ASCC1: variants seen among roughly 807,000 people sequenced by gnomAD.
The protein encoded by ASCC1 is ASC-1 complex subunit P50.
ASCC1 carries 35 observed loss-of-function variants against 46.6 expected under a neutral mutation model. The observed-to-expected ratio is 0.75, with a 90% confidence interval of 0.57 to 0.99. The LOEUF (loss-of-function observed/expected upper bound fraction) is 0.99. ASCC1 is among the 50% of genes least tolerant of loss of function. The probability of loss-of-function intolerance (pLI) is 0.00; values close to 1 mark genes in which losing one functional copy is unlikely to be tolerated. For missense variants in ASCC1, 376 were observed against 428.7 expected, an observed-to-expected ratio of 0.88 and a Z score of 1.09; for synonymous variants, 143 against 146.6, an observed-to-expected ratio of 0.98 and a Z score of 0.18.
At chr10:72,193,439 A>G (rs1299602657) in intron 5 of ASCC1, among the ~76,000 whole-genome samples, 1 of 120,070 alleles carries the variant, frequency 8.3e-6, no homozygotes, top group Non-Finnish European at 1.7e-5. Context: ...TACAAATAAT[A>G]AACAAAACAC....
At position 72,103,479 on chromosome 10, in the gene ASCC1, G is replaced by C. The variant is rs137917244; in HGVS notation, c.958-6029C>G. ...CATTTACAGATGAGCCTTAGGTTTAGATGGCTTAAGTAATTTGCCTAAAGA... is the reference window on the plus strand; with the variant it reads ...CATTTACAGATGAGCCTTAGGTTTACATGGCTTAAGTAATTTGCCTAAAGA... On this transcript the variant is annotated intron_variant, in intron 9 of 9. Coordinates refer to ENST00000672957, the MANE Select transcript of ASCC1 (RefSeq NM_001198800.3). Among the ~76,000 whole-genome samples, 284 of 152,258 alleles carry C rather than the reference G, an allele frequency of 1.9e-3. 2 individuals carry two copies. Among genetic ancestry groups the C allele is most frequent in the African/African-American group, 6.2e-3 (256 of 41,508 alleles).
intron 9 of ASCC1, chr10:72,102,899 C>T (rs774545993): frequency 9.6e-6 from 4 of 417,358 alleles, no homozygotes; most frequent in Middle Eastern, 6.6e-4. Flanking sequence ...CACTTGAACC[C>T]GGGAGGCACA....
rs1438811280 is a variant in ASCC1, at chr10:72,152,012, G to A, written c.746+857C>T. Among the ~76,000 whole-genome samples the A allele has an allele frequency of 3.0e-5, 4 of 133,762 alleles. No individual in the cohort carries two copies. In the Admixed American group the frequency reaches 3.1e-4, roughly 10 times the overall value. 87.8% of individuals were successfully genotyped at this position (133,762 alleles called of 152,430 possible). A position where few individuals can be genotyped will look rare whatever the true frequency, so the allele number is the denominator to read the frequency against. On this transcript the variant is annotated intron_variant, in intron 7 of 9. Transcript: ENST00000672957. ...CCAATATTTTTTTTTTTTTTTTTGA[G>A]ACAGGGTCTCGCTCTGTCACCCAGG...
In ASCC1 at chr10:72,210,760, T is replaced by C. The variant is rs1857963186; in HGVS notation, c.184A>G (p.Thr62Ala). Residue 62 changes from threonine to alanine, a missense_variant, in exon 3 of 10, where the codon ACT (threonine) becomes GCT (alanine). By Grantham distance (58) the Thr-to-Ala change is moderately conservative (BLOSUM62 0). Transcript: ENST00000672957. ...VEQTPQGFRS[T>A]LRAPSLLYKH... ...TAGAGCAAGCTGGGGGCCCTCAAAG[T>C]AGACCGGAATCCTTGTGGGGTCTGC... is the stretch of plus-strand genomic sequence containing the variant. The C allele has an allele frequency of 1.2e-6, 2 of 1,614,008 alleles. No homozygotes were observed. The highest frequency in any genetic ancestry group is 1.3e-5 in the African/African-American group (1 of 74,918).
At chr10:72,179,213 C>G (rs1242105796) in intron 5 of ASCC1, among the ~76,000 whole-genome samples, 1 of 152,112 alleles carries the variant, frequency 6.6e-6, no homozygotes, top group Non-Finnish European at 1.5e-5. Flanking sequence ...GTTGCCCAGG[C>G]TGATCTCAAA....
chr10:72,121,944 A>G (rs999031983), intron 9 of ASCC1, among the ~76,000 whole-genome samples: 5 of 152,252 alleles, frequency 3.3e-5, no homozygotes, highest in African/African-American at 1.2e-4. Flanking sequence ...ACAGCAGATT[A>G]CATGTTCTTC....
At chr10:72,112,566 T>C (rs969669439) in intron 9 of ASCC1, among the ~76,000 whole-genome samples, 2 of 152,106 alleles carry the variant, frequency 1.3e-5, no homozygotes, top group African/African-American at 4.8e-5. Flanking sequence ...ATAGCCAATC[T>C]TATGTATATT....
intron 9 of ASCC1, among the ~76,000 whole-genome samples, chr10:72,103,928 T>C (rs1281201296): frequency 6.6e-6 from 1 of 152,168 alleles, no homozygotes; most frequent in East Asian, 1.9e-4. Flanking sequence ...CTTATAAAAA[T>C]ACACAAGTTA....
intron 9 of ASCC1, among the ~76,000 whole-genome samples, chr10:72,126,141 G>T (rs1844836682): frequency 6.6e-6 from 1 of 152,122 alleles, no homozygotes; most frequent in Non-Finnish European, 1.5e-5. Context: ...CATCTTTACG[G>T]GAGGCAGCAG....
intron 5 of ASCC1, among the ~76,000 whole-genome samples, chr10:72,183,602 T>C (rs1476586571): frequency 1.3e-5 from 2 of 151,186 alleles, no homozygotes; most frequent in Non-Finnish European, 2.9e-5. Flanking sequence ...TAAGCTGAGA[T>C]TGCACCACTG....
At chr10:72,160,889 C>T (rs1849594915) in intron 6 of ASCC1, among the ~76,000 whole-genome samples, 2 of 151,422 alleles carry the variant, frequency 1.3e-5, no homozygotes, top group Non-Finnish European at 2.9e-5. Context: ...CAAGACCATC[C>T]TGGCTAAAAT....
rs770470208 is a variant in ASCC1 at position 72,204,511 on chromosome 10, G to A, written c.213-987C>T. ...ATGTGTTCAAGTGAATGAGACTACC[G>A]AATCCCAAGAGAGAAGTTTCAGAGT... is the stretch of plus-strand genomic sequence containing the variant. On this transcript the variant is annotated intron_variant, in intron 3 of 9. Coordinates refer to ENST00000672957, the MANE Select transcript of ASCC1 (RefSeq NM_001198800.3). 7.6e-5 allele frequency: 116 copies of A among 1,532,324 alleles called. No homozygotes were observed. Among genetic ancestry groups the A allele is most frequent in the African/African-American group, 6.9e-5 (5 of 72,298 alleles). 94.9% of individuals were successfully genotyped at this position (1,532,324 alleles called of 1,614,324 possible). A position where few individuals can be genotyped will look rare whatever the true frequency, so the allele number is the denominator to read the frequency against.
chr10:72,188,947 G>C (rs1023936866), intron 5 of ASCC1, among the ~76,000 whole-genome samples: 8 of 152,006 alleles, frequency 5.3e-5, no homozygotes, highest in African/African-American at 1.7e-4. Context: ...GTAGAGACAG[G>C]GTCTCCCTAA....
At chr10:72,157,979 G>C (rs1849181708) in intron 6 of ASCC1, among the ~76,000 whole-genome samples, 1 of 152,090 alleles carries the variant, frequency 6.6e-6, no homozygotes, top group South Asian at 2.1e-4. Context: ...ATCTCTGACT[G>C]TAACATTTCT....
intron 5 of ASCC1, among the ~76,000 whole-genome samples, chr10:72,182,853 T>C (rs73274966): frequency 0.14 from 20,349 of 149,828 alleles, 3,977 homozygotes; most frequent in African/African-American, 0.43. Context: ...AAAAACTAAA[T>C]GCAATGCCTG....
chr10:72,160,863 C>T (rs918139673), intron 6 of ASCC1, among the ~76,000 whole-genome samples: 2 of 150,006 alleles, frequency 1.3e-5, no homozygotes, highest in East Asian at 1.9e-4. Flanking sequence ...GCGGGCGGAT[C>T]ACAAGGTCAA....
At position 72,133,045 on chromosome 10, in the gene ASCC1, TG is replaced by T; in HGVS notation, c.871+11del. Reference sequence around the variant, plus strand: ...GATCACAAACTGTGCTATAGTTCTCTGGGGGACTTACCATTGGGGTCTTTCC... The same window carrying T: ...GATCACAAACTGTGCTATAGTTCTCTGGGGACTTACCATTGGGGTCTTTCC... On this transcript the variant is annotated intron_variant, in intron 8 of 9. Coordinates refer to ENST00000672957, the MANE Select transcript of ASCC1 (RefSeq NM_001198800.3). 1 of 1,614,132 alleles carries T rather than the reference TG, an allele frequency of 6.2e-7. No individual in the cohort carries two copies. Among genetic ancestry groups the T allele is most frequent in the Non-Finnish European group, 8.5e-7 (1 of 1,179,964 alleles).
intron 5 of ASCC1, among the ~76,000 whole-genome samples, chr10:72,183,969 C>A (rs932266444): frequency 1.3e-5 from 2 of 151,828 alleles, no homozygotes; most frequent in Admixed American, 6.6e-5. Context: ...CATGGTGAAA[C>A]CCCATCTCTA....
chr10:72,166,555 G>A (rs1292604435), intron 5 of ASCC1, among the ~76,000 whole-genome samples: 2 of 135,824 alleles, frequency 1.5e-5, no homozygotes, highest in Non-Finnish European at 1.6e-5. Context: ...GACACCAAAA[G>A]CATAATCCAT....
Sources: gnomAD v4.1 joint callset for allele counts (sites outside exome capture counted in the v4.1 genomes callset) on GRCh38, gnomAD v4.1.1 for gene constraint, MANE v1.5 for transcripts, NCBI Gene and HGNC (gene_info 2026-07-23, HGNC 2026-07-21) for gene names.